The following TBCD variants were observed in gnomAD, a reference collection of about 807,000 sequenced individuals.
TBCD encodes the protein tubulin-specific chaperone D.
A neutral mutation model predicts 169.3 loss-of-function variants in TBCD; 105 were observed. The observed-to-expected ratio is 0.62, with a 90% confidence interval of 0.53 to 0.73. The LOEUF (loss-of-function observed/expected upper bound fraction) is 0.73, where lower values mean the gene tolerates loss of function less well. Ranked by LOEUF, TBCD falls within the 30% of genes least tolerant of loss-of-function variation. TBCD has a pLI of 0.00. For missense variants in TBCD, 1,444 were observed against 1,600.1 expected (o/e 0.90, Z 1.66); for synonymous variants, 700 against 643.9 (o/e 1.09, Z -1.32).
In TBCD at chr17:82,752,074, G is replaced by T; in HGVS notation, c.-120G>T. On this transcript the variant is annotated 5_prime_UTR_variant, in exon 1 of 39. Coordinates refer to ENST00000355528, the MANE Select transcript of TBCD (RefSeq NM_005993.5). ...GAGGTCGCGGGGCGGGGCCAGCGTC[G>T]GTTGCCGCCTTAGCGGGCGCCTCCT... The T allele has an allele frequency of 1.7e-6, 2 of 1,194,748 alleles. No individual in the cohort carries two copies. The highest frequency in any genetic ancestry group is 3.0e-4 in the Middle Eastern group (1 of 3,334). 74.0% of individuals were successfully genotyped at this position (1,194,748 alleles called of 1,614,324 possible).
Position 82,809,729 on chromosome 17 carries a change from G to T in TBCD, c.1170G>T (p.Arg390Ser). The T allele has an allele frequency of 6.2e-7, 1 of 1,613,522 alleles. No homozygotes were observed. The highest frequency in any genetic ancestry group is 8.5e-7 in the Non-Finnish European group (1 of 1,179,680). ...TCAGCATCGGTAGGATGGCTGGCAGGCTTCCCAGAGCCCTGGCGGATGATG... is the reference window on the plus strand; with the variant it reads ...TCAGCATCGGTAGGATGGCTGGCAGTCTTCCCAGAGCCCTGGCGGATGATG... ...AAKGIGRMAGRLPRALADDVV... is the reference protein window; with the variant it reads ...AAKGIGRMAGSLPRALADDVV... The change falls in exon 12 of 39, where the codon AGG (arginine) becomes AGT (serine). Residue 390 changes from arginine (R) to serine (S), a missense_variant. Physicochemically the swap from Arg to Ser is moderately radical, Grantham distance 110. Transcript: ENST00000355528.
intron 2 of TBCD, among the ~76,000 whole-genome samples, chr17:82,761,366 T>G (rs567729767): frequency 6.6e-6 from 1 of 152,198 alleles, no homozygotes; most frequent in African/African-American, 2.4e-5. Flanking sequence ...GAACATTTTA[T>G]TGAGTTTTAA....
chr17:82,929,408 C>G lies in TBCD; in HGVS notation c.2899C>G (p.Pro967Ala), dbSNP rs1277885303. The change falls in exon 32 of 39, where the codon CCA becomes GCA. Residue 967 changes from proline (P) to alanine (A), a missense_variant. Transcript: ENST00000355528. Reference sequence around the variant, plus strand: ...CTGGAGTGCACCTTCCCAGGCCTTCCCACGCATCACCCAGCTCCTTGGGCT... The same window carrying G: ...CTGGAGTGCACCTTCCCAGGCCTTCGCACGCATCACCCAGCTCCTTGGGCT... Reference protein sequence around the residue: ...VNWSAPSQAFPRITQLLGLPT... With the variant: ...VNWSAPSQAFARITQLLGLPT... 6.2e-7 allele frequency: 1 copy of G among 1,612,912 alleles called. No homozygotes were observed. Among genetic ancestry groups the G allele is most frequent in the African/African-American group, 1.3e-5 (1 of 74,928 alleles).
intron 14 of TBCD, among the ~76,000 whole-genome samples, chr17:82,879,269 CTGAGTG>C (rs2058192255): frequency 6.6e-6 from 1 of 152,016 alleles, no homozygotes; most frequent in Non-Finnish European, 1.5e-5. Flanking sequence ...CCCTCTGTAG[CTGAGTG>C]TGTGCCCCTC....
At chr17:82,787,795 T>C (rs553271400) in intron 7 of TBCD, among the ~76,000 whole-genome samples, 1 of 152,214 alleles carries the variant, frequency 6.6e-6, no homozygotes, top group South Asian at 2.1e-4. Flanking sequence ...TTTTAACTCC[T>C]GTGGGAGGGA....
chr17:82,921,432 T>C (rs1456002525), intron 24 of TBCD, 69 bp from the exon 25 acceptor site: 9 of 1,288,418 alleles, frequency 7.0e-6, no homozygotes, highest in Non-Finnish European at 1.0e-5. Context: ...ATAGAAGCTG[T>C]TTTTGCTGTT....
intron 30 of TBCD, 103 bp from the exon 31 acceptor site, chr17:82,929,010 G>A (rs1432741433): frequency 4.1e-6 from 6 of 1,445,938 alleles, no homozygotes; most frequent in Middle Eastern, 2.3e-4. Context: ...ATGTCCTCGT[G>A]GTGCTTGGGC....
chr17:82,809,292 C>T lies in TBCD; in HGVS notation c.1149-416C>T, dbSNP rs912790412. On this transcript the variant is annotated intron_variant, in intron 11 of 38. Transcript: ENST00000355528. ...AGCCTCAGGCGGCCTCCATGTGGGGCCGTGAGCCCATCACCTGGCCTGATG... is the reference window on the plus strand; with the variant it reads ...AGCCTCAGGCGGCCTCCATGTGGGGTCGTGAGCCCATCACCTGGCCTGATG... Among the ~76,000 whole-genome samples, 147 of 152,238 alleles carry T rather than the reference C, an allele frequency of 9.7e-4. 2 individuals are homozygous for T. The highest frequency in any genetic ancestry group is 3.4e-3 in the African/African-American group (143 of 41,532).
intron 15 of TBCD, among the ~76,000 whole-genome samples, chr17:82,885,346 T>C (rs980229617): frequency 2.6e-5 from 4 of 152,144 alleles, no homozygotes; most frequent in Non-Finnish European, 4.4e-5. Flanking sequence ...TACCCTGAAG[T>C]CTTTCTAGCT....
At chr17:82,848,766 CCT>C (rs1391821090) in intron 13 of TBCD, among the ~76,000 whole-genome samples, 2 of 152,210 alleles carry the variant, frequency 1.3e-5, no homozygotes, top group Non-Finnish European at 2.9e-5. Context: ...CCCTTCTCAT[CCT>C]CTCTCCTGTG....
chr17:82,781,112 T>C (rs1441223014), intron 6 of TBCD, among the ~76,000 whole-genome samples: 1 of 151,738 alleles, frequency 6.6e-6, no homozygotes. Context: ...AACAGGCCTG[T>C]GCACAAGACG....
At chr17:82,933,680 C>T (rs940195800) in intron 34 of TBCD, among the ~76,000 whole-genome samples, 5 of 152,042 alleles carry the variant, frequency 3.3e-5, no homozygotes, top group African/African-American at 1.2e-4. Flanking sequence ...TGCAGTGGCT[C>T]GATTTCAGCT....
rs1248103819 is a variant in TBCD at position 82,752,171 on chromosome 17, G to T, written c.-23G>T. On this transcript the variant is annotated 5_prime_UTR_variant, in exon 1 of 39. Transcript: ENST00000355528. ...GGGATCTGCGAACACGTGAGGCGGG[G>T]GCGCGGTCCCCAGGCTGCCGAGATG... 1.1e-5 allele frequency: 17 copies of T among 1,502,278 alleles called. No homozygotes were observed. Among genetic ancestry groups the T allele is most frequent in the Middle Eastern group, 2.1e-4 (1 of 4,748 alleles). The allele number at this position is 1,502,278 out of a possible 1,614,324, so 93.1% of individuals were successfully genotyped here.
intron 11 of TBCD, among the ~76,000 whole-genome samples, chr17:82,808,667 G>T (rs1471243041): frequency 2.7e-5 from 4 of 146,044 alleles, no homozygotes; most frequent in Admixed American, 2.7e-4. Flanking sequence ...CAGGTGGAGG[G>T]GCTGGCAGGT....
intron 23 of TBCD, among the ~76,000 whole-genome samples, chr17:82,919,079 C>T (rs575082924): frequency 1.3e-5 from 2 of 152,278 alleles, no homozygotes; most frequent in African/African-American, 2.4e-5. Flanking sequence ...AAGAAAACTT[C>T]TTAGTTTAGA....
chr17:82,899,278 G>T (rs1014450769), intron 17 of TBCD, among the ~76,000 whole-genome samples: 1 of 148,684 alleles, frequency 6.7e-6, no homozygotes, highest in Admixed American at 6.7e-5. Context: ...TCCTCAGCGC[G>T]TGTGTCCTCA....
chr17:82,828,881 C>G (rs2053205498), intron 13 of TBCD, among the ~76,000 whole-genome samples: 1 of 147,280 alleles, frequency 6.8e-6, no homozygotes, highest in Non-Finnish European at 1.5e-5. Context: ...CACACTAACA[C>G]AAATGTGTAC....
At chr17:82,862,586 A>G (rs1278101154) in intron 13 of TBCD, among the ~76,000 whole-genome samples, 1 of 152,172 alleles carries the variant, frequency 6.6e-6, no homozygotes, top group Non-Finnish European at 1.5e-5. Context: ...ATGGGTTCTC[A>G]GTGTCTGTAT....
intron 34 of TBCD, among the ~76,000 whole-genome samples, chr17:82,935,896 C>T (rs1027358833): frequency 6.6e-6 from 1 of 152,236 alleles, no homozygotes; most frequent in Non-Finnish European, 1.5e-5. Context: ...CTTGGATTTC[C>T]TCGAGTGGGG....
Sources: gnomAD v4.1 joint callset for allele counts (sites outside exome capture counted in the v4.1 genomes callset) on GRCh38, gnomAD v4.1.1 for gene constraint, MANE v1.5 for transcripts, NCBI Gene and HGNC (gene_info 2026-07-23, HGNC 2026-07-21) for gene names.